Variants in AK5 observed in about 807,000 individuals in gnomAD.
The protein encoded by AK5 is adenylate kinase 5.
Under a neutral mutation model 69.5 loss-of-function variants are expected in AK5, and 27 were observed. The ratio of observed to expected loss-of-function variants is 0.39; its 90% CI spans 0.29 to 0.54. AK5 has a LOEUF of 0.54. Ranked by LOEUF, AK5 falls within the 20% of genes least tolerant of loss-of-function variation. The probability of loss-of-function intolerance (pLI) is 0.71; values close to 1 mark genes in which losing one functional copy is unlikely to be tolerated. For synonymous variants in AK5, 260 were observed against 244.4 expected (o/e 1.06, Z -0.60); for missense variants, 531 against 700.4 (o/e 0.76, Z 2.73).
chr1:77,486,694 CAAA>C (rs879594150), intron 10 of AK5, among the ~76,000 whole-genome samples: 3 of 88,684 alleles, frequency 3.4e-5, no homozygotes, highest in Non-Finnish European at 4.8e-5. Flanking sequence ...AAGACTCTGT[CAAA>C]AAAAAAAAAA....
intron 6 of AK5, among the ~76,000 whole-genome samples, chr1:77,368,280 ATGT>A (rs1647051063): frequency 1.9e-5 from 2 of 102,596 alleles, no homozygotes; most frequent in African/African-American, 7.1e-5. Flanking sequence ...TATGTTATAT[ATGT>A]TATATATATG....
At position 77,308,376 on chromosome 1, in the gene AK5, T is replaced by A. The variant is rs148257066; in HGVS notation, c.699+10429T>A. Among the ~76,000 whole-genome samples, 577 of 149,778 alleles carry A rather than the reference T, an allele frequency of 3.9e-3. 2 individuals carry two copies. The highest frequency in any genetic ancestry group is 6.4e-3 in the Non-Finnish European group (434 of 67,812). ...TAGTAGTTTCTCCAGGAGATGGAGCTTGCAGTGAGCTGAGATAGCGCCACG... is the reference window on the plus strand; with the variant it reads ...TAGTAGTTTCTCCAGGAGATGGAGCATGCAGTGAGCTGAGATAGCGCCACG... On this transcript the variant is annotated intron_variant, in intron 5 of 13. Transcript: ENST00000354567.
At chr1:77,346,658 A>G (rs894462923) in intron 6 of AK5, among the ~76,000 whole-genome samples, 13 of 151,932 alleles carry the variant, frequency 8.6e-5, no homozygotes, top group African/African-American at 2.7e-4. Context: ...CACCATGCCC[A>G]CCTAATTTTT....
chr1:77,358,143 C>G (rs933618494), intron 6 of AK5, among the ~76,000 whole-genome samples: 1 of 151,558 alleles, frequency 6.6e-6, no homozygotes, highest in African/African-American at 2.4e-5. Context: ...ATTCTGAAGC[C>G]CAGAAATAAC....
intron 6 of AK5, among the ~76,000 whole-genome samples, chr1:77,368,831 G>A (rs1647067176): frequency 6.6e-6 from 1 of 151,990 alleles, no homozygotes; most frequent in South Asian, 2.1e-4. Context: ...ATGTTCAACC[G>A]GAATATATAA....
chr1:77,283,064 AG>A, intron 1 of AK5: 9 of 985,480 alleles, frequency 9.1e-6, no homozygotes, highest in Non-Finnish European at 1.1e-5. Context: ...GGGAGCTGCG[AG>A]GGGGGCGGAC....
intron 8 of AK5, among the ~76,000 whole-genome samples, chr1:77,440,946 G>T (rs1017065089): frequency 6.6e-6 from 1 of 151,914 alleles, no homozygotes; most frequent in Non-Finnish European, 1.5e-5. Flanking sequence ...ACGGGGTTTC[G>T]CCATGTTGGC....
At chr1:77,322,793 G>T (rs752171825) in intron 5 of AK5, among the ~76,000 whole-genome samples, 1 of 152,062 alleles carries the variant, frequency 6.6e-6, no homozygotes, top group African/African-American at 2.4e-5. Flanking sequence ...AGTCTCAAAG[G>T]ACTGCTGTTT....
chr1:77,345,740 A>G (rs1184494858), intron 6 of AK5, among the ~76,000 whole-genome samples: 1 of 152,112 alleles, frequency 6.6e-6, no homozygotes, highest in Admixed American at 6.5e-5. Context: ...CGATTGCTTC[A>G]TTTGCCCCAT....
chr1:77,370,871 A>G (rs1234074054), intron 6 of AK5, among the ~76,000 whole-genome samples: 1 of 152,168 alleles, frequency 6.6e-6, no homozygotes, highest in Non-Finnish European at 1.5e-5. Context: ...GGCCTCCTGA[A>G]TCATTCAAGT....
intron 5 of AK5, among the ~76,000 whole-genome samples, chr1:77,306,833 T>A (rs78549732): frequency 0.044 from 6,709 of 152,172 alleles, 206 homozygotes; most frequent in South Asian, 0.093. Flanking sequence ...GGCATGCATC[T>A]CAGAATTTGT....
intron 6 of AK5, among the ~76,000 whole-genome samples, chr1:77,404,365 C>G (rs1649471082): frequency 6.6e-6 from 1 of 151,988 alleles, no homozygotes; most frequent in African/African-American, 2.4e-5. Flanking sequence ...CTGCCATTGC[C>G]ACGTTTCCTT....
At chr1:77,515,416 C>T (rs959663864) in intron 10 of AK5, among the ~76,000 whole-genome samples, 5 of 152,200 alleles carry the variant, frequency 3.3e-5, no homozygotes, top group Admixed American at 2.0e-4. Flanking sequence ...AGGAAAACCG[C>T]AGAATGAGTT....
intron 6 of AK5, among the ~76,000 whole-genome samples, chr1:77,405,848 T>C (rs547193959): frequency 6.6e-6 from 1 of 152,318 alleles, no homozygotes; most frequent in South Asian, 2.1e-4. Context: ...GCTGTGTTTA[T>C]TAATGAAGCT....
chr1:77,444,333 G>C (rs57159766), intron 8 of AK5, among the ~76,000 whole-genome samples: 110 of 44,088 alleles, frequency 2.5e-3, no homozygotes, highest in Middle Eastern at 0.017. Context: ...TATATATATA[G>C]TATATATACA....
In AK5 at chr1:77,444,681, T is replaced by C. The variant is rs941276791; in HGVS notation, c.1059+26966T>C. Reference sequence around the variant, plus strand: ...TAGTATAAATATATACTATATATAGTATATACATAGTATAAATATTTATAT... The same window carrying C: ...TAGTATAAATATATACTATATATAGCATATACATAGTATAAATATTTATAT... On this transcript the variant is annotated intron_variant, in intron 8 of 13. Coordinates refer to ENST00000354567, the MANE Select transcript of AK5 (RefSeq NM_174858.3). Among the ~76,000 whole-genome samples, 4 of 131,704 alleles carry C rather than the reference T, an allele frequency of 3.0e-5. No individual in the cohort carries two copies. In the Admixed American group the frequency reaches 3.5e-4, roughly 12 times the overall value. The allele number at this position is 131,704 out of a possible 152,430, so 86.4% of individuals were successfully genotyped here. A position where few individuals can be genotyped will look rare whatever the true frequency, so the allele number is the denominator to read the frequency against.
intron 6 of AK5, among the ~76,000 whole-genome samples, chr1:77,365,135 T>G (rs1236457599): frequency 6.6e-6 from 1 of 152,194 alleles, no homozygotes; most frequent in Non-Finnish European, 1.5e-5. Flanking sequence ...TTGAACATTT[T>G]TTCATATATT....
At chr1:77,459,000 G>T (rs1653667001) in intron 8 of AK5, among the ~76,000 whole-genome samples, 1 of 152,234 alleles carries the variant, frequency 6.6e-6, no homozygotes, top group South Asian at 2.1e-4. Context: ...CCTGGCTGTT[G>T]GTTCCTCACT....
At chr1:77,499,855 C>A (rs972497129) in intron 10 of AK5, among the ~76,000 whole-genome samples, 4 of 142,100 alleles carry the variant, frequency 2.8e-5, no homozygotes, top group Admixed American at 1.4e-4. Context: ...ATGACAGAGA[C>A]CATGCCCTTT....
Sources: allele counts gnomAD v4.1 joint callset (sites outside exome capture counted in the v4.1 genomes callset), GRCh38; gene constraint gnomAD v4.1.1; transcripts MANE v1.5; gene names NCBI Gene and HGNC (gene_info 2026-07-23, HGNC 2026-07-21).